The following IMMP2L variants were observed in gnomAD, a reference collection of about 807,000 sequenced individuals.
IMMP2L encodes inner mitochondrial membrane peptidase subunit 2.
Under a neutral mutation model 19.3 loss-of-function variants are expected in IMMP2L, and 18 were observed. The ratio of observed to expected loss-of-function variants is 0.93; its 90% CI spans 0.64 to 1.38. IMMP2L has a LOEUF of 1.38. Among genes scored for constraint, IMMP2L ranks in the 40% most tolerant of loss-of-function variants. The pLI is 0.00. For missense variants in IMMP2L, 233 were observed against 218.2 expected, an observed-to-expected ratio of 1.07 and a Z score of -0.43; for synonymous variants, 76 against 73.0, an observed-to-expected ratio of 1.04 and a Z score of -0.21.
At chr7:110,957,328 A>C (rs866505563) in intron 4 of IMMP2L, among the ~76,000 whole-genome samples, 1 of 151,974 alleles carries the variant, frequency 6.6e-6, no homozygotes, top group South Asian at 2.1e-4. Context: ...CAAATAATGT[A>C]ACTATTTTTA....
chr7:110,873,247 G>A (rs918102153), intron 5 of IMMP2L, among the ~76,000 whole-genome samples: 25 of 151,006 alleles, frequency 1.7e-4, no homozygotes, highest in African/African-American at 2.9e-4. Context: ...TAGTGAAACC[G>A]TTTCTGTACT....
chr7:111,366,965 AT>A (rs200136998), intron 3 of IMMP2L, among the ~76,000 whole-genome samples: 2,399 of 152,038 alleles, frequency 0.016, 34 homozygotes, highest in Middle Eastern at 0.034. Context: ...TCTTTGTACC[AT>A]CTTTGCAACT....
chr7:110,799,200 G>A lies in IMMP2L; in HGVS notation c.408+87393C>T, dbSNP rs527356339. Among the ~76,000 whole-genome samples the A allele has an allele frequency of 2.0e-5, 3 of 152,108 alleles. No homozygotes were observed. In the South Asian group the frequency reaches 6.2e-4, roughly 32 times the overall value. ...GAGGTCTTTACAAAGAATGCCTAGA[G>A]TATGGACTCCTTCGCCTGCTAACTG... is the stretch of plus-strand genomic sequence containing the variant. On this transcript the variant is annotated intron_variant, in intron 5 of 5. Coordinates refer to ENST00000405709, the MANE Select transcript of IMMP2L (RefSeq NM_032549.4).
intron 3 of IMMP2L, among the ~76,000 whole-genome samples, chr7:111,084,004 C>T (rs1053925622): frequency 7.9e-5 from 12 of 151,982 alleles, no homozygotes; most frequent in Non-Finnish European, 1.6e-4. Context: ...AAGAAGTAGG[C>T]TTGCTAAACA....
At chr7:111,360,572 C>G (rs746208052) in intron 3 of IMMP2L, among the ~76,000 whole-genome samples, 3 of 152,136 alleles carry the variant, frequency 2.0e-5, no homozygotes, top group Non-Finnish European at 4.4e-5. Flanking sequence ...AATCCCAGCA[C>G]TTTTGGAAGC....
At chr7:111,388,207 C>G (rs922882961) in intron 3 of IMMP2L, among the ~76,000 whole-genome samples, 1 of 151,870 alleles carries the variant, frequency 6.6e-6, no homozygotes, top group African/African-American at 2.4e-5. Flanking sequence ...GACAGCAAGA[C>G]CGGGACCAAA....
chr7:110,836,472 G>C (rs933843626), intron 5 of IMMP2L, among the ~76,000 whole-genome samples: 3 of 152,070 alleles, frequency 2.0e-5, no homozygotes, highest in Admixed American at 6.6e-5. Context: ...TTTTAAAAGG[G>C]GAGTTTCTCT....
At chr7:110,849,216 T>C (rs1805964065) in intron 5 of IMMP2L, among the ~76,000 whole-genome samples, 2 of 152,078 alleles carry the variant, frequency 1.3e-5, no homozygotes, top group Non-Finnish European at 2.9e-5. Flanking sequence ...TCCATTTTGC[T>C]GTGACCCTAA....
At chr7:111,461,584 A>G (rs1416705993) in intron 3 of IMMP2L, among the ~76,000 whole-genome samples, 2 of 152,018 alleles carry the variant, frequency 1.3e-5, no homozygotes, top group Non-Finnish European at 2.9e-5. Context: ...CTTTGTTTGT[A>G]CATTGACTTT....
At chr7:111,311,604 A>G (rs1290905795) in intron 3 of IMMP2L, among the ~76,000 whole-genome samples, 1 of 152,154 alleles carries the variant, frequency 6.6e-6, no homozygotes, top group Non-Finnish European at 1.5e-5. Flanking sequence ...TCAGAGGGAT[A>G]CAGTTGCCCT....
At chr7:111,142,325 CAAAAA>C (rs761556733) in intron 3 of IMMP2L, among the ~76,000 whole-genome samples, 3 of 62,500 alleles carry the variant, frequency 4.8e-5, no homozygotes, top group Non-Finnish European at 6.2e-5. Context: ...GACTCTGTCT[CAAAAA>C]AAAAAAAAAA....
chr7:111,283,762 G>C (rs1022161110), intron 3 of IMMP2L, among the ~76,000 whole-genome samples: 17 of 151,728 alleles, frequency 1.1e-4, no homozygotes, highest in Admixed American at 6.6e-5. Flanking sequence ...ACGAGGTCAG[G>C]AGATCGAGAC....
intron 3 of IMMP2L, among the ~76,000 whole-genome samples, chr7:111,369,192 C>T (rs1391941163): frequency 6.6e-6 from 1 of 151,804 alleles, no homozygotes; most frequent in Non-Finnish European, 1.5e-5. Context: ...GATGACATTA[C>T]ATATCTTAGA....
intron 3 of IMMP2L, among the ~76,000 whole-genome samples, chr7:111,075,010 G>T (rs1795267868): frequency 6.6e-6 from 1 of 151,936 alleles, no homozygotes; most frequent in South Asian, 2.1e-4. Flanking sequence ...ATCATGGGAA[G>T]CAAGAAAGTG....
chr7:111,356,534 T>C (rs943592813), intron 3 of IMMP2L, among the ~76,000 whole-genome samples: 14 of 152,070 alleles, frequency 9.2e-5, no homozygotes, highest in African/African-American at 3.4e-4. Context: ...CCCTCACAGA[T>C]ACAGAGGAAT....
chr7:111,400,379 C>G (rs1833306087), intron 3 of IMMP2L, among the ~76,000 whole-genome samples: 1 of 152,124 alleles, frequency 6.6e-6, no homozygotes, highest in South Asian at 2.1e-4. Context: ...GCACAAAGAT[C>G]TCTTAAGATT....
intron 5 of IMMP2L, among the ~76,000 whole-genome samples, chr7:110,807,007 T>G (rs1428432579): frequency 6.6e-6 from 1 of 152,028 alleles, no homozygotes; most frequent in African/African-American, 2.4e-5. Context: ...TGATTATCCA[T>G]GGATGTTGGA....
intron 2 of IMMP2L, among the ~76,000 whole-genome samples, chr7:111,490,097 CTTTTT>C (rs80065502): frequency 3.9e-5 from 5 of 127,844 alleles, no homozygotes; most frequent in Admixed American, 1.6e-4. Context: ...CGCCTGCCCT[CTTTTT>C]TTTTTTTTTT....
At chr7:110,952,103 T>C (rs1002121647) in intron 4 of IMMP2L, among the ~76,000 whole-genome samples, 2 of 152,166 alleles carry the variant, frequency 1.3e-5, no homozygotes, top group African/African-American at 4.8e-5. Context: ...TACTTACATG[T>C]CCTTTCCAAA....
Sources: allele counts gnomAD v4.1 joint callset (sites outside exome capture counted in the v4.1 genomes callset), GRCh38; gene constraint gnomAD v4.1.1; transcripts MANE v1.5; gene names NCBI Gene and HGNC (gene_info 2026-07-23, HGNC 2026-07-21).